Variants in KCNAB2 observed in about 807,000 individuals in gnomAD.
The protein encoded by KCNAB2 is potassium voltage-gated channel subfamily A regulatory beta subunit 2, also known as voltage-gated potassium channel subunit beta-2.
A neutral mutation model predicts 63.6 loss-of-function variants in KCNAB2; 29 were observed. The ratio of observed to expected loss-of-function variants is 0.46; its 90% CI spans 0.34 to 0.62. The LOEUF is 0.62. Ranked by LOEUF, KCNAB2 falls within the 20% of genes least tolerant of loss-of-function variation. The pLI is 0.01. For missense variants in KCNAB2, 359 were observed against 563.9 expected, an observed-to-expected ratio of 0.64 and a Z score of 3.68; for synonymous variants, 222 against 224.2, an observed-to-expected ratio of 0.99 and a Z score of 0.09.
chr1:6,084,127 C>T (rs770264454), intron 5 of KCNAB2, among the ~76,000 whole-genome samples: 6 of 152,210 alleles, frequency 3.9e-5, no homozygotes, highest in Non-Finnish European at 7.3e-5. Flanking sequence ...ATGACTCAGG[C>T]GCTTTTATAA....
At chr1:6,060,575 C>T (rs1377486138) in intron 2 of KCNAB2, among the ~76,000 whole-genome samples, 2 of 152,200 alleles carry the variant, frequency 1.3e-5, no homozygotes, top group African/African-American at 2.4e-5. Flanking sequence ...CTCAGTCTCA[C>T]TCTCGGAGGA....
chr1:6,091,197 G>A (rs906059931), intron 9 of KCNAB2, 66 bp from the exon 10 acceptor site: 149 of 1,218,230 alleles, frequency 1.2e-4, no homozygotes, highest in Non-Finnish European at 1.5e-4. Flanking sequence ...TGCCTTCGTC[G>A]TGCCACGCCT....
Position 6,086,415 on chromosome 1 carries a change from G to A in KCNAB2, c.426-1052G>A, listed in dbSNP as rs904879790. ...GGCGAATGTGCATGGAGGTGGTGTGGGGTGATCCCCCTTCCTGGAGGTGAC... is the reference window on the plus strand; with the variant it reads ...GGCGAATGTGCATGGAGGTGGTGTGAGGTGATCCCCCTTCCTGGAGGTGAC... On this transcript the variant is annotated intron_variant, in intron 6 of 15. Coordinates refer to ENST00000378083, the MANE Select transcript of KCNAB2 (RefSeq NM_001199862.2). This position sits in a 1 kb window ranked among gnomAD's most constrained non-coding sequence, Gnocchi z 4.2. The A allele has an allele frequency of 1.3e-5, 13 of 980,704 alleles. No individual in the cohort carries two copies. In the African/African-American group the frequency reaches 2.3e-4, roughly 17 times the overall value. The allele number at this position is 980,704 out of a possible 1,614,324, so 60.8% of individuals were successfully genotyped here. A position where few individuals can be genotyped will look rare whatever the true frequency, so the allele number is the denominator to read the frequency against.
chr1:6,070,317 T>C (rs921120042), intron 2 of KCNAB2, among the ~76,000 whole-genome samples: 28 of 152,228 alleles, frequency 1.8e-4, no homozygotes, highest in African/African-American at 6.5e-4. Flanking sequence ...TGCTTCATTA[T>C]TGGACTCCTA....
chr1:6,047,386 C>T (rs780491934), intron 1 of KCNAB2, among the ~76,000 whole-genome samples: 2 of 152,162 alleles, frequency 1.3e-5, no homozygotes, highest in Admixed American at 6.5e-5. Flanking sequence ...CCCCAGGCAC[C>T]GCTGGTAACG....
chr1:6,053,458 G>C (rs1459709189), intron 2 of KCNAB2, among the ~76,000 whole-genome samples: 1 of 152,146 alleles, frequency 6.6e-6, no homozygotes, highest in African/African-American at 2.4e-5. Flanking sequence ...CAGCAAAGCA[G>C]GACAATGCAA....
chr1:5,998,075 G>A (rs766654798), intron 1 of KCNAB2, among the ~76,000 whole-genome samples: 6 of 152,252 alleles, frequency 3.9e-5, no homozygotes, highest in Admixed American at 6.5e-5. Context: ...GGCAGGTTGT[G>A]ATAGGCAGAG....
chr1:6,079,540 A>G (rs1417769004), intron 4 of KCNAB2, among the ~76,000 whole-genome samples: 1 of 151,910 alleles, frequency 6.6e-6, no homozygotes, highest in East Asian at 1.9e-4. Flanking sequence ...AAATAACCCC[A>G]GTCTTGGATA....
chr1:6,077,767 GC>G (rs576397982), intron 4 of KCNAB2, among the ~76,000 whole-genome samples: 276 of 152,312 alleles, frequency 1.8e-3, no homozygotes, highest in African/African-American at 6.4e-3. Flanking sequence ...CGGAGCCCCT[GC>G]CTAGCGCCAG....
rs970808253 is a variant in KCNAB2 at position 6,024,566 on chromosome 1, G to A, written c.-52-15951G>A. 6.6e-6 allele frequency among the ~76,000 whole-genome samples: 1 copy of A among 152,220 alleles called. No individual in the cohort carries two copies. Among genetic ancestry groups the A allele is most frequent in the Non-Finnish European group, 1.5e-5 (1 of 68,040 alleles). ...GCTGGTTCAGTGTGTCTGAAACTGC[G>A]AAGCAGCCAGTGAGGTTACTTTCGC... On this transcript the variant is annotated intron_variant, in intron 1 of 16. Coordinates refer to the KCNAB2 transcript ENST00000341524. This position sits in a 1 kb window ranked among gnomAD's most constrained non-coding sequence, Gnocchi z 5.4.
At chr1:6,033,219 GTGTGCGCA>G (rs1401087647), upstream of KCNAB2, among the ~76,000 whole-genome samples, 1 of 151,740 alleles carries the variant, frequency 6.6e-6, no homozygotes, top group African/African-American at 2.4e-5. Flanking sequence ...GCATGTGGGT[GTGTGCGCA>G]TGTGTGCATG....
In KCNAB2 at chr1:6,078,073, C is replaced by T. The variant is rs2100688566; in HGVS notation, c.301-4122C>T. On this transcript the variant is annotated intron_variant, in intron 4 of 15. Coordinates refer to ENST00000378083, the MANE Select transcript of KCNAB2 (RefSeq NM_001199862.2). This position sits in a 1 kb window ranked among gnomAD's most constrained non-coding sequence, Gnocchi z 4.2. ...GCCAGGACCTTTCCCGGCCTAAGTC[C>T]AGGAGTCAGCCGGGCCGGGCTCCCT... Among the ~76,000 whole-genome samples, 4 of 149,826 alleles carry T rather than the reference C, an allele frequency of 2.7e-5. No individual in the cohort carries two copies. In the Middle Eastern group the frequency reaches 0.014, roughly 517 times the overall value.
At chr1:6,061,447 C>T (rs1393183523) in intron 2 of KCNAB2, among the ~76,000 whole-genome samples, 2 of 152,194 alleles carry the variant, frequency 1.3e-5, no homozygotes, top group Non-Finnish European at 2.9e-5. Flanking sequence ...CTTGTCTGGA[C>T]GATGTGATCA....
Position 6,100,224 on chromosome 1 carries a change from G to T in KCNAB2, c.*1650G>T. On this transcript the variant is annotated 3_prime_UTR_variant, in exon 16 of 16. Coordinates refer to ENST00000378083, the MANE Select transcript of KCNAB2 (RefSeq NM_001199862.2). ...CAGCGGGGAGAGGCTGGGGCGAGGG[G>T]AGGAGGGGGATCAGCTTCTGCTATT... 1.2e-6 allele frequency: 1 copy of T among 822,982 alleles called. No individual in the cohort carries two copies. The highest frequency in any genetic ancestry group is 1.7e-6 in the Non-Finnish European group (1 of 573,932). The allele number at this position is 822,982 out of a possible 1,614,324, so 51.0% of individuals were successfully genotyped here.
At chr1:6,007,546 G>C (rs1341270601) in intron 1 of KCNAB2, 1 of 108,122 alleles carries the variant, frequency 9.2e-6, no homozygotes, top group South Asian at 3.2e-4. Context: ...GCCCCGCGCC[G>C]TGCTGAGTCA....
rs1012341646 is a variant in KCNAB2 at position 6,099,397 on chromosome 1, G to A, written c.*823G>A. Reference sequence around the variant, plus strand: ...GCCTCATGCCAGTGAGGCCCGGAGCGCTTGGGAGGGGTCCCAGTGGGGCAG... The same window carrying A: ...GCCTCATGCCAGTGAGGCCCGGAGCACTTGGGAGGGGTCCCAGTGGGGCAG... On this transcript the variant is annotated 3_prime_UTR_variant, in exon 16 of 16. Coordinates refer to ENST00000378083, the MANE Select transcript of KCNAB2 (RefSeq NM_001199862.2). 3.9e-5 allele frequency: 7 copies of A among 177,306 alleles called. No individual in the cohort carries two copies. Among genetic ancestry groups the A allele is most frequent in the Admixed American group, 5.9e-5 (1 of 17,058 alleles). The allele number at this position is 177,306 out of a possible 1,614,324, so 11.0% of individuals were successfully genotyped here. A position where few individuals can be genotyped will look rare whatever the true frequency, so the allele number is the denominator to read the frequency against.
intron 1 of KCNAB2, among the ~76,000 whole-genome samples, chr1:6,038,885 C>T (rs948492580): frequency 1.3e-5 from 2 of 152,216 alleles, no homozygotes; most frequent in Non-Finnish European, 2.9e-5. Context: ...CTGTTTTGAG[C>T]CCAGACCATC....
chr1:6,081,042 G>A (rs555324207), intron 4 of KCNAB2, among the ~76,000 whole-genome samples: 244 of 152,312 alleles, frequency 1.6e-3, no homozygotes, highest in African/African-American at 5.7e-3. Context: ...CTTTCTCTCC[G>A]GCCTCTTGGA....
In KCNAB2 at chr1:6,098,702, A is replaced by C; in HGVS notation, c.*128A>C. ...AGAGAAAACACCACACTGTGATGTCATCGGGAAATGATCTCCCAAGTCGCT... is the reference window on the plus strand; with the variant it reads ...AGAGAAAACACCACACTGTGATGTCCTCGGGAAATGATCTCCCAAGTCGCT... On this transcript the variant is annotated 3_prime_UTR_variant, in exon 16 of 16. Coordinates refer to ENST00000378083, the MANE Select transcript of KCNAB2 (RefSeq NM_001199862.2). The C allele has an allele frequency of 4.2e-6, 5 of 1,178,060 alleles. No individual in the cohort carries two copies. The highest frequency in any genetic ancestry group is 5.9e-6 in the Non-Finnish European group (5 of 844,284). 73.0% of individuals were successfully genotyped at this position (1,178,060 alleles called of 1,614,324 possible).
Sources: gnomAD v4.1 joint callset for allele counts (sites outside exome capture counted in the v4.1 genomes callset) on GRCh38, gnomAD v4.1.1 for gene constraint, Gnocchi (gnomAD v3.1) non-coding constraint, MANE v1.5 for transcripts, NCBI Gene and HGNC (gene_info 2026-07-23, HGNC 2026-07-21) for gene names.